YPEL5: variants seen among roughly 807,000 people sequenced by gnomAD.
YPEL5 encodes protein yippee-like 5.
Under a neutral mutation model 10.5 loss-of-function variants are expected in YPEL5, and 1 was observed. The observed-to-expected ratio is 0.10, with a 90% CI of 0.03 to 0.45. The LOEUF is 0.45. Among genes scored for constraint, YPEL5 ranks in the 20% least tolerant of loss-of-function variants. The probability of loss-of-function intolerance (pLI) is 0.97; values close to 1 mark genes in which losing one functional copy is unlikely to be tolerated. For missense variants in YPEL5, 68 were observed against 159.3 expected (o/e 0.43, Z 3.09); for synonymous variants, 61 against 56.6 (o/e 1.08, Z -0.35).
intron 1 of YPEL5, among the ~76,000 whole-genome samples, chr2:30,149,513 C>T (rs879484694): frequency 6.6e-6 from 1 of 152,174 alleles, no homozygotes; most frequent in Non-Finnish European, 1.5e-5. Context: ...AGTCACAACT[C>T]AGTATAAAGA....
chr2:30,155,661 C>T (rs1402179206), intron 1 of YPEL5, among the ~76,000 whole-genome samples: 1 of 152,178 alleles, frequency 6.6e-6, no homozygotes, highest in Non-Finnish European at 1.5e-5. Flanking sequence ...TAAGAACTTG[C>T]ATATAGTAAC....
intron 2 of YPEL5, 123 bp downstream of exon 2, chr2:30,156,915 G>A (rs1676065670): frequency 8.5e-7 from 1 of 1,176,278 alleles, no homozygotes; most frequent in African/African-American, 1.5e-5. Context: ...GAAATCTACA[G>A]AAATGATTGC....
At position 30,159,001 on chromosome 2, in the gene YPEL5, T is replaced by G. The variant is rs76886327; in HGVS notation, c.*158T>G. The G allele has an allele frequency of 4.1e-6, 3 of 732,012 alleles. No homozygotes were observed. The highest frequency in any genetic ancestry group is 6.5e-6 in the Non-Finnish European group (3 of 459,492). The allele number at this position is 732,012 out of a possible 1,614,324, so 45.3% of individuals were successfully genotyped here. ...GGAACCTTTCTTTCTTTCTTTCTTT[T>G]TTTTTAAATTTTGTATTTTCCATCC... On this transcript the variant is annotated 3_prime_UTR_variant, in exon 3 of 3. Transcript: ENST00000261353.
intron 1 of YPEL5, chr2:30,155,811 A>G (rs1676014166): frequency 6.6e-6 from 1 of 152,230 alleles, no homozygotes; most frequent in African/African-American, 2.4e-5. Context: ...TATGTATGGG[A>G]AAGCTTATCT....
rs1676230608 is a variant in YPEL5 at position 30,160,494 on chromosome 2, T to G, written c.*1651T>G. ...GTAGCATGCCTTACCTACAGCACTA[T>G]GTGCATTTGCTGTCACAATAAAGTA... On this transcript the variant is annotated 3_prime_UTR_variant, in exon 3 of 3. Coordinates refer to ENST00000261353, the MANE Select transcript of YPEL5 (RefSeq NM_016061.3). 1 of 152,258 alleles carries G rather than the reference T, an allele frequency of 6.6e-6. No individual in the cohort carries two copies. The highest frequency in any genetic ancestry group is 6.5e-5 in the Admixed American group (1 of 15,282). The allele number at this position is 152,258 out of a possible 1,614,324, so 9.4% of individuals were successfully genotyped here.
intron 1 of YPEL5, among the ~76,000 whole-genome samples, chr2:30,151,976 T>G (rs1326217416): frequency 6.6e-6 from 1 of 152,204 alleles, no homozygotes; most frequent in African/African-American, 2.4e-5. Context: ...TGGTTGCCAG[T>G]GGCTGGGAGT....
Position 30,158,947 on chromosome 2 carries a change from C to T in YPEL5, c.*104C>T, listed in dbSNP as rs1029734512. 11 of 1,052,642 alleles carry T rather than the reference C, an allele frequency of 1.0e-5. No homozygotes were observed. The highest frequency in any genetic ancestry group is 7.6e-5 in the East Asian group (3 of 39,218). The allele number at this position is 1,052,642 out of a possible 1,614,324, so 65.2% of individuals were successfully genotyped here. On this transcript the variant is annotated 3_prime_UTR_variant, in exon 3 of 3. Transcript: ENST00000261353. ...GCATCAGAGTCGGATTAATGAACTG[C>T]GGAACAAGAGGTTGTGAGAATCTAA...
At chr2:30,148,595 TAATC>T (rs1016125834) in intron 1 of YPEL5, 1 of 152,246 alleles carries the variant, frequency 6.6e-6, no homozygotes, top group African/African-American at 2.4e-5. Flanking sequence ...GCTTATAACT[TAATC>T]AAAAGTCGTG....
chr2:30,151,681 TTAAA>T (rs1468395803), intron 1 of YPEL5, among the ~76,000 whole-genome samples: 2 of 152,186 alleles, frequency 1.3e-5, no homozygotes, highest in African/African-American at 4.8e-5. Context: ...AGGGAACATC[TTAAA>T]TAAAACTTAA....
intron 1 of YPEL5, 143 bp downstream of exon 1, chr2:30,147,205 G>C (rs1220977853): frequency 6.6e-6 from 1 of 152,136 alleles, no homozygotes. Context: ...CGCTCTTCCC[G>C]GGGTCCCAGA....
intron 1 of YPEL5, among the ~76,000 whole-genome samples, chr2:30,151,926 T>C (rs1212738194): frequency 6.6e-6 from 1 of 152,162 alleles, no homozygotes; most frequent in Non-Finnish European, 1.5e-5. Context: ...ACTTGGGAAA[T>C]ATTTTGAATA....
rs1572763200 is a variant in YPEL5 at position 30,158,741 on chromosome 2, T to C, written c.264T>C (p.Thr88=). 10 of 1,614,206 alleles carry C rather than the reference T, an allele frequency of 6.2e-6. No homozygotes were observed. In the East Asian group the frequency reaches 2.0e-4, roughly 32 times the overall value. ...SKLGWIYEFA[T]EDSQRYKEGR... ...TGGGATGGATCTATGAGTTTGCCAC[T>C]GAAGACAGCCAGCGATATAAGGAAG... Residue 88 remains threonine (T), a synonymous_variant, in exon 3 of 3, where the codon ACT becomes ACC. Coordinates refer to ENST00000261353, the MANE Select transcript of YPEL5 (RefSeq NM_016061.3).
At chr2:30,149,806 T>C (rs1306922020) in intron 1 of YPEL5, among the ~76,000 whole-genome samples, 1 of 152,234 alleles carries the variant, frequency 6.6e-6, no homozygotes, top group East Asian at 1.9e-4. Flanking sequence ...TCTGATGCAA[T>C]GGAAAACCCA....
At position 30,158,565 on chromosome 2, in the gene YPEL5, C is replaced by T. The variant is rs557127094; in HGVS notation, c.142-54C>T. ...CATTAACCATAATATTTTGTACATA[C>T]TTGGCAAATAACTAACATGCCTTGC... On this transcript the variant is annotated intron_variant, in intron 2 of 2. Coordinates refer to ENST00000261353, the MANE Select transcript of YPEL5 (RefSeq NM_016061.3). The T allele has an allele frequency of 1.3e-4, 208 of 1,547,244 alleles. 1 individual carries two copies. The African/African-American group carries it at 2.6e-3, about 19-fold the overall frequency.
chr2:30,156,816 C>T, intron 2 of YPEL5, 24 bp downstream of exon 2: 1 of 1,613,550 alleles, frequency 6.2e-7, no homozygotes, highest in Admixed American at 1.7e-5. Context: ...AGTTTGATTC[C>T]TAAGTGGGCT....
chr2:30,154,401 A>G (rs1026436786), intron 1 of YPEL5, among the ~76,000 whole-genome samples: 1 of 152,220 alleles, frequency 6.6e-6, no homozygotes, highest in African/African-American at 2.4e-5. Context: ...TGTGAAGCAA[A>G]GTGGAGACTG....
chr2:30,160,084 C>G lies in YPEL5; in HGVS notation c.*1241C>G, dbSNP rs764059513. Reference sequence around the variant, plus strand: ...ATTAAAATGTAAATGTTTCTTTACCCAAACTACTTCTAGATATTCTAGTAT... The same window carrying G: ...ATTAAAATGTAAATGTTTCTTTACCGAAACTACTTCTAGATATTCTAGTAT... On this transcript the variant is annotated 3_prime_UTR_variant, in exon 3 of 3. Coordinates refer to ENST00000261353, the MANE Select transcript of YPEL5 (RefSeq NM_016061.3). The G allele has an allele frequency of 6.6e-6, 1 of 152,570 alleles. No individual in the cohort carries two copies. The highest frequency in any genetic ancestry group is 2.4e-5 in the African/African-American group (1 of 41,432). The allele number at this position is 152,570 out of a possible 1,614,324, so 9.5% of individuals were successfully genotyped here. A position where few individuals can be genotyped will look rare whatever the true frequency, so the allele number is the denominator to read the frequency against.
At chr2:30,148,928 G>A (rs1509576) in intron 1 of YPEL5, among the ~76,000 whole-genome samples, 39,345 of 152,092 alleles carry the variant, frequency 0.26, 5,735 homozygotes, top group East Asian at 0.57. Context: ...ATAGAGATCA[G>A]TGTCAGTTTT....
In YPEL5 at chr2:30,159,271, G is replaced by A. The variant is rs1676175794; in HGVS notation, c.*428G>A. On this transcript the variant is annotated 3_prime_UTR_variant, in exon 3 of 3. Transcript: ENST00000261353. ...TAAACCCAGTTATTTCACTTGATTTGCTAGCTTCAGAGAAGAGATCCGAAT... is the reference window on the plus strand; with the variant it reads ...TAAACCCAGTTATTTCACTTGATTTACTAGCTTCAGAGAAGAGATCCGAAT... The A allele has an allele frequency of 5.7e-6, 1 of 175,562 alleles. No homozygotes were observed. The highest frequency in any genetic ancestry group is 1.2e-5 in the Non-Finnish European group (1 of 81,694). The allele number at this position is 175,562 out of a possible 1,614,324, so 10.9% of individuals were successfully genotyped here.
Sources: gnomAD v4.1 joint callset for allele counts (sites outside exome capture counted in the v4.1 genomes callset) on GRCh38, gnomAD v4.1.1 for gene constraint, MANE v1.5 for transcripts, NCBI Gene and HGNC (gene_info 2026-07-23, HGNC 2026-07-21) for gene names.